PRKDC: variants seen among roughly 807,000 people sequenced by gnomAD.
PRKDC encodes the protein protein kinase, DNA-activated, catalytic subunit.
A neutral mutation model predicts 486.9 loss-of-function variants in PRKDC; 82 were observed. The observed-to-expected ratio is 0.17, with a 90% CI of 0.14 to 0.20. PRKDC has a LOEUF of 0.20. Among genes scored for constraint, PRKDC ranks in the 10% least tolerant of loss-of-function variants. The pLI is 1.00. For missense variants in PRKDC, 4,504 were observed against 5,038.2 expected (o/e 0.89, Z 3.21); for synonymous variants, 1,895 against 1,837.0 (o/e 1.03, Z -0.81).
chr8:47,787,529 C>G (rs1429972891), intron 76 of PRKDC, among the ~76,000 whole-genome samples: 5 of 152,142 alleles, frequency 3.3e-5, no homozygotes, highest in Admixed American at 3.3e-4. Flanking sequence ...TGATTTGGTA[C>G]AAGGTGGAAA....
At chr8:47,947,682 T>G (rs1384218658) in intron 7 of PRKDC, among the ~76,000 whole-genome samples, 1 of 152,138 alleles carries the variant, frequency 6.6e-6, no homozygotes, top group African/African-American at 2.4e-5. Context: ...CCAAGGCAGG[T>G]GGATTGCTTG....
At chr8:47,886,946 T>C (rs8178101) in intron 35 of PRKDC, among the ~76,000 whole-genome samples, 1 of 152,186 alleles carries the variant, frequency 6.6e-6, no homozygotes. Flanking sequence ...TACCCCAGTG[T>C]TGTTGCTTTG....
rs982602227 is a variant in PRKDC, at chr8:47,943,195, T to G, written c.966+14A>C. 4 of 1,606,096 alleles carry G rather than the reference T, an allele frequency of 2.5e-6. No individual in the cohort carries two copies. Among genetic ancestry groups the G allele is most frequent in the Non-Finnish European group, 3.4e-6 (4 of 1,177,248 alleles). ...GAAAGAAATATTGTTAAATGACAGT[T>G]GAATTTGTGGTACCTGTTTCAGAAA... On this transcript the variant is annotated intron_variant, in intron 10 of 85. Coordinates refer to ENST00000314191, the MANE Select transcript of PRKDC (RefSeq NM_006904.7).
chr8:47,842,706 T>G (rs1325346258), intron 54 of PRKDC, among the ~76,000 whole-genome samples: 1 of 152,212 alleles, frequency 6.6e-6, no homozygotes, highest in African/African-American at 2.4e-5. Flanking sequence ...ACAACTGTCC[T>G]AACCTCTCAG....
chr8:47,903,322 C>T (rs1464679586), intron 26 of PRKDC, among the ~76,000 whole-genome samples: 1 of 152,220 alleles, frequency 6.6e-6, no homozygotes, highest in Non-Finnish European at 1.5e-5. Flanking sequence ...GACCAACGAC[C>T]ACACAGAGAT....
At chr8:47,914,657 C>T (rs2089959399) in intron 23 of PRKDC, among the ~76,000 whole-genome samples, 1 of 151,990 alleles carries the variant, frequency 6.6e-6, no homozygotes, top group Non-Finnish European at 1.5e-5. Context: ...AAAAATTAGC[C>T]AGGCATGGTG....
chr8:47,920,172 C>T (rs1480197600), intron 21 of PRKDC, among the ~76,000 whole-genome samples: 6 of 152,198 alleles, frequency 3.9e-5, no homozygotes, highest in African/African-American at 1.4e-4. Flanking sequence ...ATCTCTGTTC[C>T]TGGCTCTCAG....
At position 47,776,936 on chromosome 8, in the gene PRKDC, T is replaced by C. The variant is rs1220536263; in HGVS notation, c.12090A>G (p.Glu4030=). Residue 4030 remains glutamate (E), a synonymous_variant, in exon 85 of 86, where the codon GAA becomes GAG. Coordinates refer to ENST00000314191, the MANE Select transcript of PRKDC (RefSeq NM_006904.7). ...MLKKGGSWIQ[E]INVAEKNWYP... is the part of the protein sequence containing the mutation. ...ACCAATTTTTTTCAGCAACATTTAT[T>C]TCTTGAATCCATGACCCTCCTTTTT... is the stretch of plus-strand genomic sequence containing the variant. 1 of 1,613,692 alleles carries C rather than the reference T, an allele frequency of 6.2e-7. No individual in the cohort carries two copies. Among genetic ancestry groups the C allele is most frequent in the East Asian group, 2.2e-5 (1 of 44,884 alleles).
At chr8:47,843,746 A>G (rs1166803345) in intron 54 of PRKDC, among the ~76,000 whole-genome samples, 1 of 152,232 alleles carries the variant, frequency 6.6e-6, no homozygotes, top group East Asian at 1.9e-4. Context: ...TATTTTCAGC[A>G]TCCTTGAAGA....
intron 25 of PRKDC, among the ~76,000 whole-genome samples, 197 bp from the exon 26 acceptor site, chr8:47,905,173 G>A (rs576263086): frequency 6.6e-6 from 1 of 152,162 alleles, no homozygotes; most frequent in Non-Finnish European, 1.5e-5. Context: ...CTACAGGCAT[G>A]TACCACCACA....
At chr8:47,925,018 C>A (rs1371804855) in intron 21 of PRKDC, among the ~76,000 whole-genome samples, 1 of 152,186 alleles carries the variant, frequency 6.6e-6, no homozygotes, top group Non-Finnish European at 1.5e-5. Flanking sequence ...GACAGCTGTC[C>A]CAACACGTGG....
chr8:47,920,957 A>T (rs2090060140), intron 21 of PRKDC, among the ~76,000 whole-genome samples: 1 of 152,148 alleles, frequency 6.6e-6, no homozygotes, highest in Non-Finnish European at 1.5e-5. Flanking sequence ...AACTTTTAAG[A>T]TTATGAAAAA....
intron 38 of PRKDC, among the ~76,000 whole-genome samples, chr8:47,880,616 T>TA (rs988387147): frequency 6.6e-6 from 1 of 152,174 alleles, no homozygotes. Context: ...TTCTTGACCC[T>TA]AAAAATCACC....
Position 47,823,971 on chromosome 8 carries a change from C to G in PRKDC, c.8809G>C (p.Asp2937His). ...AKLYRSIGEY[D>H]VLRGIFTSEI... ...CTGGTAAAAATCCCACGGAGGACGT[C>G]GTATTCTCCAATTGATCTATACAGC... Residue 2937 changes from aspartate to histidine, a missense_variant, in exon 64 of 86, where the codon GAC (aspartate) becomes CAC (histidine). Physicochemically the swap from Asp to His is moderately conservative, Grantham distance 81. Coordinates refer to ENST00000314191, the MANE Select transcript of PRKDC (RefSeq NM_006904.7). 6.2e-7 allele frequency: 1 copy of G among 1,613,040 alleles called. No individual in the cohort carries two copies.
chr8:47,807,090 T>C, intron 69 of PRKDC, 47 bp downstream of exon 69: 3 of 1,551,900 alleles, frequency 1.9e-6, no homozygotes, highest in East Asian at 4.6e-5. Context: ...AAAGCTAATT[T>C]AGCAAAATCC....
intron 65 of PRKDC, 92 bp from the exon 66 acceptor site, chr8:47,821,035 C>T (rs995390960): frequency 3.8e-6 from 3 of 787,574 alleles, no homozygotes; most frequent in Non-Finnish European, 5.4e-6. Flanking sequence ...GCTATACTTT[C>T]ACAGGTCAAG....
At chr8:47,831,703 T>C (rs1319819474) in intron 60 of PRKDC, 111 bp downstream of exon 60, 2 of 1,191,114 alleles carry the variant, frequency 1.7e-6, no homozygotes, top group Non-Finnish European at 2.5e-6. Flanking sequence ...TCCCGCAACC[T>C]GGTTTGCAGG....
intron 73 of PRKDC, among the ~76,000 whole-genome samples, chr8:47,797,391 C>G (rs1216427717): frequency 1.3e-5 from 2 of 152,156 alleles, no homozygotes; most frequent in African/African-American, 4.8e-5. Context: ...CTGTTTAATA[C>G]CTACTGAGAA....
intron 25 of PRKDC, among the ~76,000 whole-genome samples, chr8:47,909,420 T>C (rs2089855510): frequency 6.6e-6 from 1 of 152,226 alleles, no homozygotes; most frequent in Non-Finnish European, 1.5e-5. Flanking sequence ...AATCCTGTTA[T>C]CTTCGTAAGC....
Sources: gnomAD v4.1 joint callset for allele counts (sites outside exome capture counted in the v4.1 genomes callset) on GRCh38, gnomAD v4.1.1 for gene constraint, MANE v1.5 for transcripts, NCBI Gene and HGNC (gene_info 2026-07-23, HGNC 2026-07-21) for gene names.